Variants in TRRAP observed in about 807,000 individuals in gnomAD.
The protein encoded by TRRAP is transformation/transcription domain-associated protein.
In TRRAP, 41 loss-of-function variants were observed where a neutral mutation model predicts 438.8. The observed-to-expected ratio is 0.09, with a 90% CI of 0.07 to 0.12. TRRAP has a LOEUF of 0.12. Among genes scored for constraint, TRRAP ranks in the 10% least tolerant of loss-of-function variants. The pLI, the probability that TRRAP is intolerant of heterozygous loss-of-function variation, is 1.00. For missense variants in TRRAP, 3,122 were observed against 5,055.1 expected (o/e 0.62, Z 11.60); for synonymous variants, 1,994 against 1,962.9 (o/e 1.02, Z -0.42).
rs1328074731 is a variant in TRRAP, at chr7:98,956,060, GGT to G, written c.5938-76_5938-75del. ...TGTTGGGGCTGAGAGGCATGTCGGG[GGT>G]GTGTGTGTGCACGTGCGCACACGTG... is the stretch of plus-strand genomic sequence containing the variant. On this transcript the variant is annotated intron_variant, in intron 41 of 72. Coordinates refer to ENST00000456197, the MANE Select transcript of TRRAP (RefSeq NM_001375524.1). This position sits in a 1 kb window ranked among gnomAD's most constrained non-coding sequence, Gnocchi z 4.5. The G allele has an allele frequency of 2.7e-5, 39 of 1,469,160 alleles. No homozygotes were observed. The highest frequency in any genetic ancestry group is 4.1e-5 in the Admixed American group (2 of 49,120). The allele number at this position is 1,469,160 out of a possible 1,614,324, so 91.0% of individuals were successfully genotyped here. A position where few individuals can be genotyped will look rare whatever the true frequency, so the allele number is the denominator to read the frequency against.
Position 98,956,666 on chromosome 7 carries a change from A to G in TRRAP, c.6231+133A>G. On this transcript the variant is annotated intron_variant, in intron 43 of 72. Coordinates refer to ENST00000456197, the MANE Select transcript of TRRAP (RefSeq NM_001375524.1). This position sits in a 1 kb window ranked among gnomAD's most constrained non-coding sequence, Gnocchi z 4.5. ...GAAGCTGGGAACAGCCACGGTCACC[A>G]GATTGAAACTCCAGGACATGTCACT... 1 of 1,420,396 alleles carries G rather than the reference A, an allele frequency of 7.0e-7. No individual in the cohort carries two copies. Among genetic ancestry groups the G allele is most frequent in the Non-Finnish European group, 9.4e-7 (1 of 1,065,872 alleles). The allele number at this position is 1,420,396 out of a possible 1,614,324, so 88.0% of individuals were successfully genotyped here. A position where few individuals can be genotyped will look rare whatever the true frequency, so the allele number is the denominator to read the frequency against.
At chr7:98,963,755 T>C (rs1015384036) in intron 47 of TRRAP, among the ~76,000 whole-genome samples, 2 of 152,166 alleles carry the variant, frequency 1.3e-5, no homozygotes, top group Non-Finnish European at 2.9e-5. Flanking sequence ...TGGCAAACAC[T>C]CTTTGGTTGA....
At position 98,910,264 on chromosome 7, in the gene TRRAP, C is replaced by T; in HGVS notation, c.1559C>T (p.Thr520Ile). The T allele has an allele frequency of 6.9e-6, 11 of 1,584,996 alleles. No individual in the cohort carries two copies. The highest frequency in any genetic ancestry group is 9.4e-6 in the Non-Finnish European group (11 of 1,173,394). ...PPPPPPATPV[T>I]PAPVPPFEKQ... ...CCACCCCCACCTGCCACCCCTGTGA[C>T]CCCGGCCCCCGTGCCTCCCTTCGAG... Residue 520 changes from threonine to isoleucine, a missense_variant, in exon 15 of 73, where the codon ACC becomes ATC. Transcript: ENST00000456197.
rs578068741 is a variant in TRRAP at position 98,968,352 on chromosome 7, C to T, written c.7512+654C>T. 5.1e-4 allele frequency among the ~76,000 whole-genome samples: 78 copies of T among 152,306 alleles called. 1 individual carries two copies. In the South Asian group the frequency reaches 8.9e-3, roughly 17 times the overall value. The stretch of plus-strand genomic sequence containing the variant: ...TCCTTAAGCAGAAAGATGGAGCAGC[C>T]GGGCCAGGGCCTGACCACGCTGTCG... On this transcript the variant is annotated intron_variant, in intron 51 of 72. Transcript: ENST00000456197.
chr7:98,908,836 T>C lies in TRRAP; in HGVS notation c.1224T>C (p.Asp408=). Residue 408 remains aspartate (D), a synonymous_variant, in exon 14 of 73, where the codon GAT becomes GAC. Transcript: ENST00000456197. The surrounding 1 kb of genome is among the most constrained non-coding windows in gnomAD (Gnocchi z 4.1). ...AGCTCTTCGCCAAGAACATCGACGA[T>C]GAGTCCCTGCCCAGCAGCATCCAGA... is the stretch of plus-strand genomic sequence containing the variant. ...AVQLFAKNID[D]ESLPSSIQTM... is the part of the protein sequence containing the mutation. 3 of 1,613,342 alleles carry C rather than the reference T, an allele frequency of 1.9e-6. No homozygotes were observed. The highest frequency in any genetic ancestry group is 2.2e-5 in the East Asian group (1 of 44,850).
In TRRAP at chr7:98,937,238, T is replaced by C. The variant is rs1790596044; in HGVS notation, c.4194T>C (p.Asn1398=). 2.5e-6 allele frequency: 4 copies of C among 1,612,668 alleles called. No homozygotes were observed. Among genetic ancestry groups the C allele is most frequent in the Middle Eastern group, 1.7e-4 (1 of 6,054 alleles). The part of the protein sequence containing the change: ...AALFKALNST[N]SELQEAGEAC... ...TCTTCAAAGCCCTGAATTCCACCAATAGTGAGCTCCAAGAGGCCGGAGAAG... is the reference window on the plus strand; with the variant it reads ...TCTTCAAAGCCCTGAATTCCACCAACAGTGAGCTCCAAGAGGCCGGAGAAG... The change falls in exon 29 of 73, where the codon AAT becomes AAC. Residue 1398 remains asparagine (N), a synonymous_variant. Coordinates refer to ENST00000456197, the MANE Select transcript of TRRAP (RefSeq NM_001375524.1).
chr7:99,004,093 T>G (rs754763713), intron 67 of TRRAP, 97 bp from the exon 68 acceptor site: 65 of 1,165,632 alleles, frequency 5.6e-5, no homozygotes, highest in Non-Finnish European at 7.0e-5. Context: ...AAACAAAACA[T>G]GTAATTCGTA....
At chr7:98,959,076 G>T (rs1791760666) in intron 44 of TRRAP, among the ~76,000 whole-genome samples, 1 of 152,102 alleles carries the variant, frequency 6.6e-6, no homozygotes, top group Non-Finnish European at 1.5e-5. Context: ...GCAGTGTGCA[G>T]GGAGGTCCTG....
At position 98,948,379 on chromosome 7, in the gene TRRAP, C is replaced by A; in HGVS notation, c.4668+39C>A. 6.2e-7 allele frequency: 1 copy of A among 1,613,606 alleles called. No homozygotes were observed. Among genetic ancestry groups the A allele is most frequent in the South Asian group, 1.1e-5 (1 of 91,058 alleles). ...TGAAGGCTGCTTCTCGCTCTGCCAC[C>A]CTCCGGTGCTTATAGCGTCCTCACT... On this transcript the variant is annotated intron_variant, in intron 34 of 72. Transcript: ENST00000456197. This position sits in a 1 kb window ranked among gnomAD's most constrained non-coding sequence, Gnocchi z 4.9.
intron 18 of TRRAP, among the ~76,000 whole-genome samples, chr7:98,912,429 A>G (rs917039878): frequency 6.6e-6 from 1 of 151,264 alleles, no homozygotes; most frequent in Admixed American, 6.6e-5. Flanking sequence ...TAAACAAACT[A>G]TAGTGACTCT....
At chr7:98,963,147 C>T (rs1227763267) in intron 47 of TRRAP, among the ~76,000 whole-genome samples, 1 of 152,192 alleles carries the variant, frequency 6.6e-6, no homozygotes. Flanking sequence ...TATACAAATA[C>T]CTATATAGAT....
intron 7 of TRRAP, 67 bp from the exon 8 acceptor site, chr7:98,897,674 T>TTG: frequency 2.1e-6 from 3 of 1,430,222 alleles, no homozygotes; most frequent in Non-Finnish European, 1.8e-6. Flanking sequence ...TTGTTTTGTT[T>TTG]TGTTTTGTTT....
Position 98,981,759 on chromosome 7 carries a change from T to C in TRRAP, c.8635-10T>C. The C allele has an allele frequency of 6.3e-7, 1 of 1,595,634 alleles. No individual in the cohort carries two copies. Among genetic ancestry groups the C allele is most frequent in the South Asian group, 1.1e-5 (1 of 87,528 alleles). ...CCCTCACGTCCTGTGTCACGTTCTT[T>C]CACTGCCAGGTGGAAGTGAGCTGTC... On this transcript the variant is annotated splice_polypyrimidine_tract_variant and intron_variant, in intron 58 of 72. Transcript: ENST00000456197.
chr7:99,007,998 G>A (rs1794268950), intron 69 of TRRAP, among the ~76,000 whole-genome samples: 1 of 151,622 alleles, frequency 6.6e-6, no homozygotes, highest in South Asian at 2.1e-4. Context: ...GCTAATTTTT[G>A]TATTTTTAGT....
chr7:99,002,731 AACAC>A (rs927395636), intron 67 of TRRAP, among the ~76,000 whole-genome samples: 1 of 152,058 alleles, frequency 6.6e-6, no homozygotes, highest in Non-Finnish European at 1.5e-5. Context: ...ATGAAAAAAA[AACAC>A]ACACACACAA....
chr7:98,896,176 G>A (rs1488625582), intron 7 of TRRAP, among the ~76,000 whole-genome samples: 1 of 152,016 alleles, frequency 6.6e-6, no homozygotes. Flanking sequence ...TGAGTTTACA[G>A]GCTCGAAGAC....
chr7:98,959,207 G>A, intron 44 of TRRAP, 137 bp from the exon 45 acceptor site: 1 of 1,217,742 alleles, frequency 8.2e-7, no homozygotes, highest in Non-Finnish European at 1.2e-6. Flanking sequence ...GTGGAGGTCA[G>A]GCGGAAGAGA....
In TRRAP at chr7:98,935,684, A is replaced by T. The variant is rs961877643; in HGVS notation, c.4111+9A>T. The T allele has an allele frequency of 2.7e-5, 43 of 1,579,218 alleles. No homozygotes were observed. Among genetic ancestry groups the T allele is most frequent in the Non-Finnish European group, 3.6e-5 (41 of 1,153,446 alleles). On this transcript the variant is annotated intron_variant, in intron 28 of 72. Coordinates refer to ENST00000456197, the MANE Select transcript of TRRAP (RefSeq NM_001375524.1). ...ACGAATTGCGGCATTAAGTAAGTTAATGAAAATCTACGGGGTATAAAAGTG... is the reference window on the plus strand; with the variant it reads ...ACGAATTGCGGCATTAAGTAAGTTATTGAAAATCTACGGGGTATAAAAGTG...
intron 67 of TRRAP, among the ~76,000 whole-genome samples, chr7:98,997,795 G>T (rs1033794815): frequency 1.3e-5 from 2 of 152,192 alleles, no homozygotes; most frequent in Non-Finnish European, 2.9e-5. Context: ...AGGCTCTACT[G>T]CCCAGGAAAA....
Sources: gnomAD v4.1 joint callset for allele counts (sites outside exome capture counted in the v4.1 genomes callset) on GRCh38, gnomAD v4.1.1 for gene constraint, Gnocchi (gnomAD v3.1) non-coding constraint, MANE v1.5 for transcripts, NCBI Gene and HGNC (gene_info 2026-07-23, HGNC 2026-07-21) for gene names.